Variants in ESRP1 observed in about 807,000 individuals in gnomAD.
The protein encoded by ESRP1 is epithelial splicing regulatory protein 1, also known as RNA-binding motif protein 35A.
ESRP1 carries 33 observed loss-of-function variants against 81.7 expected under a neutral mutation model. The ratio of observed to expected loss-of-function variants is 0.40; its 90% CI spans 0.31 to 0.54. The LOEUF (loss-of-function observed/expected upper bound fraction) is 0.54, where lower values mean the gene tolerates loss of function less well. Ranked by LOEUF, ESRP1 falls within the 20% of genes least tolerant of loss-of-function variation. The pLI, the probability that ESRP1 is intolerant of heterozygous loss-of-function variation, is 0.41. For synonymous variants in ESRP1, 320 were observed against 303.3 expected (o/e 1.06, Z -0.57); for missense variants, 672 against 833.1 (o/e 0.81, Z 2.38).
intron 6 of ESRP1, among the ~76,000 whole-genome samples, chr8:94,664,141 T>TTTTTTTTTTTTTTTTTTTG (rs138058879): frequency 8.0e-6 from 1 of 124,590 alleles, no homozygotes. Flanking sequence ...TTTTTTTTTT[T>TTTTTTTTTTTTTTTTTTTG]GAGAGGGAGT....
At chr8:94,697,578 A>G (rs1809654421) in intron 15 of ESRP1, among the ~76,000 whole-genome samples, 1 of 152,228 alleles carries the variant, frequency 6.6e-6, no homozygotes, top group African/African-American at 2.4e-5. Flanking sequence ...GCATGGACAT[A>G]CGACATTTTA....
intron 13 of ESRP1, among the ~76,000 whole-genome samples, chr8:94,689,371 T>A (rs1211249394): frequency 6.6e-6 from 1 of 152,144 alleles, no homozygotes. Context: ...TCTTGCACTT[T>A]TAAATGTTTC....
In ESRP1 at chr8:94,692,701, T is replaced by C; in HGVS notation, c.1845T>C (p.Leu615=). ...YPSPPGSPNS[L]GYFPTAANLS... Reference sequence around the variant, plus strand: ...GCCCCCCAGGTTCGCCTAATAGTCTTGGCTACTTCCCTACAGCTGCTAATC... The same window carrying C: ...GCCCCCCAGGTTCGCCTAATAGTCTCGGCTACTTCCCTACAGCTGCTAATC... The change falls in exon 14 of 16, where the codon CTT becomes CTC. Residue 615 remains leucine (L), a synonymous_variant. Coordinates refer to ENST00000433389, the MANE Select transcript of ESRP1 (RefSeq NM_017697.4). 3.1e-6 allele frequency: 5 copies of C among 1,613,950 alleles called. No individual in the cohort carries two copies. Among genetic ancestry groups the C allele is most frequent in the Non-Finnish European group, 4.2e-6 (5 of 1,179,852 alleles).
intron 13 of ESRP1, among the ~76,000 whole-genome samples, chr8:94,687,157 C>G (rs1809175330): frequency 6.6e-6 from 1 of 152,164 alleles, no homozygotes; most frequent in East Asian, 1.9e-4. Context: ...TGTCCTCTAT[C>G]TCTTCACTGA....
In ESRP1 at chr8:94,706,088, G is replaced by C; in HGVS notation, c.*199G>C. On this transcript the variant is annotated 3_prime_UTR_variant, in exon 16 of 16. Transcript: ENST00000433389. ...TGGTGGAGTGAAAAAATTTGAGCTAGTGAAGCCAAATCGTAACTTACAGCA... is the reference window on the plus strand; with the variant it reads ...TGGTGGAGTGAAAAAATTTGAGCTACTGAAGCCAAATCGTAACTTACAGCA... 1 of 750,744 alleles carries C rather than the reference G, an allele frequency of 1.3e-6. No homozygotes were observed. The highest frequency in any genetic ancestry group is 2.0e-5 in the South Asian group (1 of 49,442). The allele number at this position is 750,744 out of a possible 1,614,324, so 46.5% of individuals were successfully genotyped here. A position where few individuals can be genotyped will look rare whatever the true frequency, so the allele number is the denominator to read the frequency against.
intron 4 of ESRP1, among the ~76,000 whole-genome samples, chr8:94,654,658 A>G (rs995499303): frequency 1.3e-5 from 2 of 151,978 alleles, no homozygotes; most frequent in Non-Finnish European, 2.9e-5. Flanking sequence ...GCAGTGGCTC[A>G]TGCCTGTAAT....
At position 94,689,811 on chromosome 8, in the gene ESRP1, C is replaced by CTTTTTTTTTTTT. The variant is rs58359551; in HGVS notation, c.1821-2852_1821-2841dup. 8.0e-4 allele frequency among the ~76,000 whole-genome samples: 52 copies of CTTTTTTTTTTTT among 64,652 alleles called. 5 individuals are homozygous for CTTTTTTTTTTTT. Among genetic ancestry groups the CTTTTTTTTTTTT allele is most frequent in the African/African-American group, 2.9e-3 (42 of 14,506 alleles). The allele number at this position is 64,652 out of a possible 152,430, so 42.4% of individuals were successfully genotyped here. ...CACAGGCATGTGCTATGATGCCTGG[C>CTTTTTTTTTTTT]TTTTTTTTTTTTTTTTTTTTTTTTT... On this transcript the variant is annotated intron_variant, in intron 13 of 15. Coordinates refer to ENST00000433389, the MANE Select transcript of ESRP1 (RefSeq NM_017697.4).
Position 94,671,660 on chromosome 8 carries a change from T to G in ESRP1, c.1441T>G (p.Leu481Val). 6.2e-6 allele frequency: 10 copies of G among 1,613,652 alleles called. No individual in the cohort carries two copies. The highest frequency in any genetic ancestry group is 8.5e-6 in the Non-Finnish European group (10 of 1,179,710). ...TCGTACTCATGGGGTTCACATGGTT[T>G]TGAATCACCAGGTAAGAAAGATACT... is the stretch of plus-strand genomic sequence containing the variant. ...DIRTHGVHMV[L>V]NHQGRPSGDA... Residue 481 changes from leucine (L) to valine (V), a missense_variant, in exon 11 of 16, where the codon TTG becomes GTG. Coordinates refer to ENST00000433389, the MANE Select transcript of ESRP1 (RefSeq NM_017697.4).
Position 94,704,706 on chromosome 8 carries a change from A to G in ESRP1, c.*36-1219A>G, listed in dbSNP as rs1341810654. Reference sequence around the variant, plus strand: ...AGCCCAGGAATTTGGGGCAGCAACGAGCTCTGATCTCACCACTGTACTCCA... The same window carrying G: ...AGCCCAGGAATTTGGGGCAGCAACGGGCTCTGATCTCACCACTGTACTCCA... On this transcript the variant is annotated intron_variant, in intron 15 of 15. Coordinates refer to ENST00000433389, the MANE Select transcript of ESRP1 (RefSeq NM_017697.4). Among the ~76,000 whole-genome samples the G allele has an allele frequency of 3.4e-5, 5 of 145,608 alleles. No homozygotes were observed. The Admixed American group carries it at 3.5e-4, about 10-fold the overall frequency.
intron 12 of ESRP1, among the ~76,000 whole-genome samples, chr8:94,676,724 T>G (rs1275746919): frequency 2.0e-5 from 3 of 151,832 alleles, no homozygotes; most frequent in African/African-American, 7.2e-5. Flanking sequence ...GGTCTGGATC[T>G]CCTGCCCTTG....
intron 4 of ESRP1, among the ~76,000 whole-genome samples, chr8:94,655,288 T>C (rs1004555214): frequency 2.0e-5 from 3 of 151,882 alleles, no homozygotes; most frequent in Non-Finnish European, 4.4e-5. Context: ...AGTTTCACCA[T>C]GTTGGCCAGG....
chr8:94,654,933 GA>G (rs986208851), intron 4 of ESRP1, among the ~76,000 whole-genome samples: 3 of 144,734 alleles, frequency 2.1e-5, no homozygotes, highest in Non-Finnish European at 3.1e-5. Flanking sequence ...AAAAAAAAAA[GA>G]AAAAAAAAGT....
intron 13 of ESRP1, among the ~76,000 whole-genome samples, chr8:94,679,195 TTTTTA>T (rs1275553231): frequency 1.3e-5 from 2 of 152,230 alleles, no homozygotes; most frequent in Non-Finnish European, 2.9e-5. Context: ...TTAATTATGT[TTTTTA>T]TTTTGTTAGA....
At chr8:94,670,792 G>T (rs763078222) in intron 10 of ESRP1, among the ~76,000 whole-genome samples, 1 of 152,284 alleles carries the variant, frequency 6.6e-6, no homozygotes, top group East Asian at 1.9e-4. Context: ...AAGATCTTTT[G>T]TCTTACCACT....
intron 15 of ESRP1, among the ~76,000 whole-genome samples, chr8:94,697,879 C>T (rs1327244988): frequency 5.3e-5 from 8 of 152,132 alleles, no homozygotes; most frequent in African/African-American, 9.7e-5. Flanking sequence ...CTCCTGGGTT[C>T]AGGTGATTCT....
intron 9 of ESRP1, among the ~76,000 whole-genome samples, chr8:94,665,549 T>A (rs1224830917): frequency 1.3e-5 from 2 of 152,188 alleles, no homozygotes; most frequent in Non-Finnish European, 2.9e-5. Context: ...TGGAGTGCGG[T>A]GGCACAATCT....
intron 3 of ESRP1, among the ~76,000 whole-genome samples, chr8:94,643,631 A>G (rs1817717699): frequency 6.6e-6 from 1 of 152,246 alleles, no homozygotes; most frequent in African/African-American, 2.4e-5. Flanking sequence ...TTAATGTTTT[A>G]CTGAACCATA....
chr8:94,648,074 T>C (rs1433125593), intron 4 of ESRP1, among the ~76,000 whole-genome samples: 2 of 152,120 alleles, frequency 1.3e-5, no homozygotes, highest in African/African-American at 2.4e-5. Context: ...CAGGGCAATA[T>C]AGAGAAACCC....
chr8:94,669,874 C>CA (rs1263306176), intron 10 of ESRP1, among the ~76,000 whole-genome samples: 3,408 of 89,472 alleles, frequency 0.038, 55 homozygotes, highest in African/African-American at 0.041. Context: ...CTCCCGCTAC[C>CA]AAAAAAAAAA....
Sources: gnomAD v4.1 joint callset for allele counts (sites outside exome capture counted in the v4.1 genomes callset) on GRCh38, gnomAD v4.1.1 for gene constraint, MANE v1.5 for transcripts, NCBI Gene and HGNC (gene_info 2026-07-23, HGNC 2026-07-21) for gene names.